STXBP4: variants seen among roughly 807,000 people sequenced by gnomAD.
STXBP4 encodes syntaxin binding protein 4, also known as syntaxin-binding protein 4.
Under a neutral mutation model 76.1 loss-of-function variants are expected in STXBP4, and 55 were observed. The ratio of observed to expected loss-of-function variants is 0.72; its 90% CI spans 0.58 to 0.91. The LOEUF (loss-of-function observed/expected upper bound fraction) is 0.91, where lower values mean the gene tolerates loss of function less well. STXBP4 is among the 40% of genes least tolerant of loss of function. STXBP4 has a pLI of 0.00. For synonymous variants in STXBP4, 201 were observed against 220.2 expected (o/e 0.91, Z 0.77); for missense variants, 618 against 636.9 (o/e 0.97, Z 0.32).
chr17:55,191,239 T>C, the STXBP4 span, among the ~76,000 whole-genome samples: 1 of 152,148 alleles, frequency 6.6e-6, no homozygotes, highest in South Asian at 2.1e-4. Context: ...ATTTTCGCTT[T>C]ACTGATCTAA....
chr17:54,998,280 G>A (rs1461498121), intron 4 of STXBP4, among the ~76,000 whole-genome samples: 1 of 152,106 alleles, frequency 6.6e-6, no homozygotes, highest in Admixed American at 6.5e-5. Flanking sequence ...GTACCATCAA[G>A]GTGAAAATCT....
chr17:55,142,609 A>C (rs1248897643), intron 17 of STXBP4, among the ~76,000 whole-genome samples: 1 of 152,088 alleles, frequency 6.6e-6, no homozygotes, highest in Non-Finnish European at 1.5e-5. Flanking sequence ...TCATGAATTT[A>C]CAATATGGAG....
intron 8 of STXBP4, among the ~76,000 whole-genome samples, chr17:55,026,835 G>C (rs1302886517): frequency 6.6e-6 from 1 of 152,098 alleles, no homozygotes; most frequent in Non-Finnish European, 1.5e-5. Flanking sequence ...CTCTCTTGTC[G>C]AGAACCAGGG....
chr17:55,056,457 G>C (rs1165197155), intron 12 of STXBP4, among the ~76,000 whole-genome samples: 1 of 152,090 alleles, frequency 6.6e-6, no homozygotes, highest in African/African-American at 2.4e-5. Context: ...TCTAATGACT[G>C]AATTGAATAC....
At chr17:55,018,556 C>A (rs183377996) in intron 8 of STXBP4, among the ~76,000 whole-genome samples, 1 of 152,172 alleles carries the variant, frequency 6.6e-6, no homozygotes, top group Non-Finnish European at 1.5e-5. Context: ...TGTGAAGAGA[C>A]CACCAAAGAG....
At chr17:55,126,295 C>T (rs1036043201) in intron 16 of STXBP4, among the ~76,000 whole-genome samples, 1 of 152,088 alleles carries the variant, frequency 6.6e-6, no homozygotes, top group African/African-American at 2.4e-5. Context: ...AAAATAAGGA[C>T]TTTAAAGTGC....
At chr17:54,973,884 G>A (rs554126346) in intron 1 of STXBP4, among the ~76,000 whole-genome samples, 6 of 152,118 alleles carry the variant, frequency 3.9e-5, no homozygotes, top group Non-Finnish European at 7.4e-5. Context: ...GTTAAACCTT[G>A]TAAACTCTTT....
intron 4 of STXBP4, among the ~76,000 whole-genome samples, chr17:54,997,584 ATATATTT>A (rs2077829445): frequency 6.2e-5 from 9 of 145,064 alleles, no homozygotes; most frequent in African/African-American, 2.2e-4. Context: ...ATAAATATAT[ATATATTT>A]TATATATTTT....
At chr17:55,186,223 AG>A in the STXBP4 span, among the ~76,000 whole-genome samples, 1 of 152,182 alleles carries the variant, frequency 6.6e-6, no homozygotes, top group Non-Finnish European at 1.5e-5. Context: ...ATTTTTTTTG[AG>A]ACAGGATCTC....
the STXBP4 span, among the ~76,000 whole-genome samples, chr17:55,179,762 A>C: frequency 6.6e-6 from 1 of 152,100 alleles, no homozygotes; most frequent in Non-Finnish European, 1.5e-5. Flanking sequence ...TCTCTAGCTT[A>C]TTTTGTTGTA....
At chr17:55,094,497 A>C (rs1354946289) in intron 16 of STXBP4, among the ~76,000 whole-genome samples, 1 of 152,136 alleles carries the variant, frequency 6.6e-6, no homozygotes, top group Non-Finnish European at 1.5e-5. Context: ...GCTAACAAAT[A>C]TTTATTTTTT....
chr17:55,107,816 A>G (rs1408159053), intron 16 of STXBP4, among the ~76,000 whole-genome samples: 1 of 152,200 alleles, frequency 6.6e-6, no homozygotes, highest in Non-Finnish European at 1.5e-5. Flanking sequence ...GGTACCTGCC[A>G]GATGCCAGCA....
chr17:55,136,114 A>G (rs1221029498), intron 16 of STXBP4, among the ~76,000 whole-genome samples: 1 of 152,184 alleles, frequency 6.6e-6, no homozygotes, highest in East Asian at 1.9e-4. Context: ...CAATGAATTA[A>G]TAATATTTAT....
rs1181776060 is a variant in STXBP4, at chr17:55,073,911, G to T, written c.1188+835G>T. Among the ~76,000 whole-genome samples, 4 of 152,064 alleles carry T rather than the reference G, an allele frequency of 2.6e-5. No individual in the cohort carries two copies. In the East Asian group the frequency reaches 7.7e-4, roughly 29 times the overall value. Reference sequence around the variant, plus strand: ...TCCAAAGTGCTGGGATTACAGGCATGAGCCACCACGCCTGGACAGTGCAAA... The same window carrying T: ...TCCAAAGTGCTGGGATTACAGGCATTAGCCACCACGCCTGGACAGTGCAAA... On this transcript the variant is annotated intron_variant, in intron 13 of 17. Coordinates refer to ENST00000376352, the MANE Select transcript of STXBP4 (RefSeq NM_178509.6).
intron 16 of STXBP4, among the ~76,000 whole-genome samples, chr17:55,111,961 G>T (rs1012456873): frequency 1.3e-5 from 2 of 152,056 alleles, no homozygotes; most frequent in Admixed American, 6.6e-5. Flanking sequence ...TGTCACCCAG[G>T]CTGCAGTGCA....
At chr17:54,999,517 G>GATA (rs1469435804) in intron 5 of STXBP4, 66 bp downstream of exon 5, 1 of 1,471,950 alleles carries the variant, frequency 6.8e-7, no homozygotes, top group East Asian at 2.3e-5. Flanking sequence ...AGTAATTTAA[G>GATA]ATGTATTAAG....
At chr17:55,127,164 C>T (rs1567773875) in intron 16 of STXBP4, among the ~76,000 whole-genome samples, 1 of 152,172 alleles carries the variant, frequency 6.6e-6, no homozygotes, top group African/African-American at 2.4e-5. Context: ...TCCCTTGTCC[C>T]AGGCAGCCCT....
intron 10 of STXBP4, among the ~76,000 whole-genome samples, chr17:55,042,150 G>C (rs1236769896): frequency 6.6e-6 from 1 of 152,120 alleles, no homozygotes; most frequent in Non-Finnish European, 1.5e-5. Context: ...TTATTCTGGA[G>C]TTTGGAAAGC....
intron 16 of STXBP4, among the ~76,000 whole-genome samples, chr17:55,111,440 T>A (rs1283664700): frequency 6.6e-6 from 1 of 152,204 alleles, no homozygotes; most frequent in African/African-American, 2.4e-5. Context: ...TCCCCCCAGA[T>A]CTCATGTTGA....
Sources: allele counts gnomAD v4.1 joint callset (sites outside exome capture counted in the v4.1 genomes callset), GRCh38; gene constraint gnomAD v4.1.1; transcripts MANE v1.5; gene names NCBI Gene and HGNC (gene_info 2026-07-23, HGNC 2026-07-21).